COLEC10: variants seen among roughly 807,000 people sequenced by gnomAD.
The protein encoded by COLEC10 is collectin-10.
Under a neutral mutation model 28.4 loss-of-function variants are expected in COLEC10, and 22 were observed. The observed-to-expected ratio is 0.78, with a 90% CI of 0.55 to 1.11. The LOEUF (loss-of-function observed/expected upper bound fraction) is 1.11, where lower values mean the gene tolerates loss of function less well. Among genes scored for constraint, COLEC10 ranks in the 50% least tolerant of loss-of-function variants. The pLI, the probability that COLEC10 is intolerant of heterozygous loss-of-function variation, is 0.00. For synonymous variants in COLEC10, 125 were observed against 116.1 expected (o/e 1.08, Z -0.49); for missense variants, 361 against 344.1 (o/e 1.05, Z -0.39).
chr8:119,102,296 T>G (rs1815847999), intron 3 of COLEC10, 52 bp from the exon 4 acceptor site: 2 of 1,284,698 alleles, frequency 1.6e-6, no homozygotes, highest in Admixed American at 3.5e-5. Flanking sequence ...TTTTTTCCTT[T>G]CTTCTTTTAT....
intron 2 of COLEC10, among the ~76,000 whole-genome samples, chr8:119,025,600 A>G (rs928628698): frequency 6.6e-6 from 1 of 152,182 alleles, no homozygotes; most frequent in Non-Finnish European, 1.5e-5. Context: ...CAAAGTGACT[A>G]AGCGCGAGGC....
chr8:119,084,452 G>A lies in COLEC10; in HGVS notation c.149-5228G>A, dbSNP rs1815429819. 2.6e-5 allele frequency among the ~76,000 whole-genome samples: 4 copies of A among 152,134 alleles called. No individual in the cohort carries two copies. In the South Asian group the frequency reaches 8.3e-4, roughly 31 times the overall value. ...TCTTGATCTATCAGTTCTTTCAGAA[G>A]AGAAAATGGAATTATTTGTCATGAT... On this transcript the variant is annotated intron_variant, in intron 1 of 5. Coordinates refer to ENST00000332843, the MANE Select transcript of COLEC10 (RefSeq NM_006438.5).
chr8:119,072,430 T>C (rs960967085), intron 1 of COLEC10, among the ~76,000 whole-genome samples: 2 of 152,200 alleles, frequency 1.3e-5, no homozygotes, highest in African/African-American at 2.4e-5. Context: ...GGAAAAATAC[T>C]TTATTATCTC....
At chr8:119,045,481 A>C (rs1041726616) in intron 2 of COLEC10, among the ~76,000 whole-genome samples, 2 of 152,098 alleles carry the variant, frequency 1.3e-5, no homozygotes, top group African/African-American at 4.8e-5. Context: ...ACTTTACTTG[A>C]TGACATGAAT....
At chr8:119,090,327 G>A (rs1371884293) in intron 2 of COLEC10, among the ~76,000 whole-genome samples, 1 of 152,126 alleles carries the variant, frequency 6.6e-6, no homozygotes, top group African/African-American at 2.4e-5. Flanking sequence ...CACAAAGTTG[G>A]GAGTTGGCCT....
chr8:118,994,546 C>T (rs983558575), upstream of COLEC10, among the ~76,000 whole-genome samples: 1 of 152,184 alleles, frequency 6.6e-6, no homozygotes, highest in Non-Finnish European at 1.5e-5. Context: ...GTTATGATCA[C>T]CATTGTTCAG....
chr8:119,033,450 T>G (rs954928710), intron 2 of COLEC10, among the ~76,000 whole-genome samples: 1 of 152,100 alleles, frequency 6.6e-6, no homozygotes, highest in Non-Finnish European at 1.5e-5. Context: ...TATCATCAGG[T>G]GAAAAGGCAA....
chr8:118,997,949 T>A (rs1813617342), intron 1 of COLEC10, among the ~76,000 whole-genome samples: 1 of 152,162 alleles, frequency 6.6e-6, no homozygotes, highest in Non-Finnish European at 1.5e-5. Flanking sequence ...TTTCATATGA[T>A]AAAATAAATT....
chr8:119,065,842 C>T (rs373041235), upstream of COLEC10, among the ~76,000 whole-genome samples: 2 of 141,096 alleles, frequency 1.4e-5, no homozygotes, highest in Non-Finnish European at 3.0e-5. Flanking sequence ...TGGGCAACAG[C>T]GAGACTCCAT....
chr8:119,086,989 A>T (rs942674558), intron 1 of COLEC10, among the ~76,000 whole-genome samples: 5 of 152,214 alleles, frequency 3.3e-5, no homozygotes, highest in African/African-American at 4.8e-5. Flanking sequence ...GATGTTACTT[A>T]ACCTCTCTGT....
chr8:118,996,131 C>A (rs1813585057), intron 1 of COLEC10, among the ~76,000 whole-genome samples: 1 of 152,148 alleles, frequency 6.6e-6, no homozygotes, highest in Non-Finnish European at 1.5e-5. Context: ...AAGGATCATG[C>A]TGTGTTTGTT....
chr8:119,098,128 T>C (rs890112717), intron 3 of COLEC10, among the ~76,000 whole-genome samples: 10 of 152,066 alleles, frequency 6.6e-5, no homozygotes, highest in Non-Finnish European at 1.5e-4. Flanking sequence ...CATTTTTTAA[T>C]GGTCATTCTA....
intron 2 of COLEC10, among the ~76,000 whole-genome samples, chr8:119,009,840 C>T (rs1398136487): frequency 1.4e-5 from 2 of 142,624 alleles, no homozygotes; most frequent in African/African-American, 5.4e-5. Flanking sequence ...AAGCTCAGCT[C>T]TTTTTTTTAA....
intron 2 of COLEC10, among the ~76,000 whole-genome samples, chr8:119,028,759 A>C (rs993276332): frequency 1.3e-5 from 2 of 152,228 alleles, no homozygotes; most frequent in African/African-American, 4.8e-5. Flanking sequence ...GCTGTTTCAA[A>C]GGTTAATTAA....
intron 2 of COLEC10, among the ~76,000 whole-genome samples, chr8:119,051,049 T>C (rs1034539951): frequency 6.6e-6 from 1 of 152,136 alleles, no homozygotes; most frequent in Non-Finnish European, 1.5e-5. Flanking sequence ...TTTCTAAAGC[T>C]AAGTATTTAA....
chr8:119,066,978 C>T (rs1814976451), upstream of COLEC10, among the ~76,000 whole-genome samples: 1 of 152,198 alleles, frequency 6.6e-6, no homozygotes, highest in African/African-American at 2.4e-5. Context: ...CTCAAGTACT[C>T]AGCAGAAGGC....
upstream of COLEC10, among the ~76,000 whole-genome samples, chr8:119,064,107 G>A (rs909049931): frequency 6.6e-6 from 1 of 152,050 alleles, no homozygotes; most frequent in African/African-American, 2.4e-5. Flanking sequence ...TTTCTGGGAA[G>A]CACTATTTTT....
At chr8:119,091,429 C>T (rs1815592614) in intron 3 of COLEC10, among the ~76,000 whole-genome samples, 2 of 151,558 alleles carry the variant, frequency 1.3e-5, no homozygotes, top group Non-Finnish European at 1.5e-5. Flanking sequence ...GTGGCACATA[C>T]CTATAGTCCC....
At chr8:119,102,939 T>C (rs1815867742) in intron 4 of COLEC10, among the ~76,000 whole-genome samples, 1 of 152,158 alleles carries the variant, frequency 6.6e-6, no homozygotes, top group Non-Finnish European at 1.5e-5. Context: ...AGAGGTATGG[T>C]GAAGACAATT....
Sources: gnomAD v4.1 joint callset for allele counts (sites outside exome capture counted in the v4.1 genomes callset) on GRCh38, gnomAD v4.1.1 for gene constraint, MANE v1.5 for transcripts, NCBI Gene and HGNC (gene_info 2026-07-23, HGNC 2026-07-21) for gene names.